NCOR2: variants seen among roughly 807,000 people sequenced by gnomAD.
NCOR2 encodes CTG repeat protein 26.
A neutral mutation model predicts 262.9 loss-of-function variants in NCOR2; 81 were observed. The ratio of observed to expected loss-of-function variants is 0.31; its 90% CI spans 0.26 to 0.37. The LOEUF (loss-of-function observed/expected upper bound fraction) is 0.37. Among genes scored for constraint, NCOR2 ranks in the 10% least tolerant of loss-of-function variants. The probability of loss-of-function intolerance (pLI) is 1.00; values close to 1 mark genes in which losing one functional copy is unlikely to be tolerated. For missense variants in NCOR2, 3,385 were observed against 3,621.4 expected, an observed-to-expected ratio of 0.93 and a Z score of 1.68; for synonymous variants, 1,659 against 1,559.3, an observed-to-expected ratio of 1.06 and a Z score of -1.51.
intron 1 of NCOR2, among the ~76,000 whole-genome samples, chr12:124,561,143 C>G (rs2137293668): frequency 6.6e-6 from 1 of 152,276 alleles, no homozygotes. Flanking sequence ...GAGCTCAGCC[C>G]CAGGAGGTAA....
chr12:124,389,625 G>C lies in NCOR2; in HGVS notation c.1877-3738C>G, dbSNP rs1225187973. The stretch of plus-strand genomic sequence containing the variant: ...TCTGCCCCCTGCCTGGCCTGATGCT[G>C]CCGAGGCTGACCGAGCCCTCTGTCG... On this transcript the variant is annotated intron_variant, in intron 16 of 46. Coordinates refer to ENST00000405201, the Ensembl canonical transcript of NCOR2. The surrounding 1 kb of genome is among the most constrained non-coding windows in gnomAD (Gnocchi z 4.4). Among the ~76,000 whole-genome samples, 2 of 151,910 alleles carry C rather than the reference G, an allele frequency of 1.3e-5. No individual in the cohort carries two copies. Among genetic ancestry groups the C allele is most frequent in the African/African-American group, 4.8e-5 (2 of 41,324 alleles).
chr12:124,340,606 G>C (rs886916249), exon 35 of NCOR2: 2 of 1,500,002 alleles, frequency 1.3e-6, no homozygotes, highest in South Asian at 1.3e-5. Context: ...CGCTACCTGG[G>C]GAGAGTGGGG....
Position 124,438,007 on chromosome 12 carries a change from G to A in NCOR2, c.816-11C>T. ...CGCATCGCCTGGTTTCTGTGCAGGA[G>A]GGAAGCGGCAGACAGGTCAGCCCGG... is the stretch of plus-strand genomic sequence containing the variant. On this transcript the variant is annotated splice_polypyrimidine_tract_variant and intron_variant, in intron 7 of 46. Coordinates refer to ENST00000405201, the Ensembl canonical transcript of NCOR2. The A allele has an allele frequency of 6.2e-7, 1 of 1,606,454 alleles. No homozygotes were observed. The highest frequency in any genetic ancestry group is 8.5e-7 in the Non-Finnish European group (1 of 1,176,050).
At position 124,422,566 on chromosome 12, in the gene NCOR2, A is replaced by T. The variant is rs1240642999; in HGVS notation, c.1329-11T>A. ...GGATGCTGCATGAACCTGCGGGACG[A>T]GAAGGGTGGGCGTGAGACCTGGCCG... is the stretch of plus-strand genomic sequence containing the variant. On this transcript the variant is annotated splice_polypyrimidine_tract_variant and intron_variant, in intron 11 of 46. Coordinates refer to ENST00000405201, the Ensembl canonical transcript of NCOR2. 6.2e-7 allele frequency: 1 copy of T among 1,613,824 alleles called. No homozygotes were observed. The highest frequency in any genetic ancestry group is 1.3e-5 in the African/African-American group (1 of 75,062).
intron 1 of NCOR2, among the ~76,000 whole-genome samples, chr12:124,507,361 A>C (rs2049105885): frequency 6.6e-6 from 1 of 152,224 alleles, no homozygotes. Context: ...TATCTACCAC[A>C]ATTTAAAATT....
At chr12:124,400,479 G>C in intron 15 of NCOR2, 22 bp downstream of exon 17, 1 of 1,604,172 alleles carries the variant, frequency 6.2e-7, no homozygotes, top group Non-Finnish European at 8.5e-7. Flanking sequence ...TTCCCCACCC[G>C]CATCCCTGGC....
rs569220461 is a variant in NCOR2 at position 124,489,671 on chromosome 12, G to T, written c.106-3103C>A. Among the ~76,000 whole-genome samples, 48 of 152,306 alleles carry T rather than the reference G, an allele frequency of 3.2e-4. No individual in the cohort carries two copies. The Middle Eastern group carries it at 0.01, about 32-fold the overall frequency. The stretch of plus-strand genomic sequence containing the variant: ...CCTGACCATGGCACCTCTGAAGCTG[G>T]AAATCAGGGCCACCAATAAATTACA... On this transcript the variant is annotated intron_variant, in intron 1 of 46. Coordinates refer to ENST00000405201, the Ensembl canonical transcript of NCOR2.
At chr12:124,529,192 A>C (rs2050650084) in intron 1 of NCOR2, among the ~76,000 whole-genome samples, 2 of 150,050 alleles carry the variant, frequency 1.3e-5, no homozygotes, top group Non-Finnish European at 3.0e-5. Context: ...AAAAAAAAAA[A>C]AAAAAAAAAA....
intron 38 of NCOR2, chr12:124,335,864 G>A (rs1034332599): frequency 2.7e-5 from 15 of 550,706 alleles, no homozygotes; most frequent in Middle Eastern, 9.4e-4. Flanking sequence ...GACAGACAGA[G>A]AGGGAGACAC....
At chr12:124,396,592 A>G (rs1439030899) in intron 16 of NCOR2, among the ~76,000 whole-genome samples, 1 of 151,994 alleles carries the variant, frequency 6.6e-6, no homozygotes. Flanking sequence ...CACCACACAC[A>G]GAGCCTGACC....
intron 1 of NCOR2, among the ~76,000 whole-genome samples, chr12:124,516,952 G>T (rs928727927): frequency 7.9e-5 from 12 of 151,768 alleles, no homozygotes. Flanking sequence ...ACTTCCATTT[G>T]CCAGATGGGA....
exon 22 of NCOR2, chr12:124,362,149 G>A (rs199754396): frequency 6.8e-5 from 89 of 1,302,214 alleles, no homozygotes; most frequent in Non-Finnish European, 6.9e-5. Context: ...GGGGGGTGCC[G>A]GGCTCCTGCT....
At chr12:124,542,230 C>A (rs981157637) in intron 1 of NCOR2, among the ~76,000 whole-genome samples, 1 of 151,992 alleles carries the variant, frequency 6.6e-6, no homozygotes, top group African/African-American at 2.4e-5. Context: ...AGGAACAGGG[C>A]GGGCCATTGC....
chr12:124,495,418 C>T, upstream of NCOR2: 1 of 1,356,230 alleles, frequency 7.4e-7, no homozygotes, highest in Middle Eastern at 2.7e-4. The surrounding 1 kb of genome is among the most constrained non-coding windows in gnomAD (Gnocchi z 4.4). Context: ...GGGCAGCTGG[C>T]TCCTCCGTGC....
chr12:124,365,990 C>G (rs1300068236), intron 20 of NCOR2, among the ~76,000 whole-genome samples: 2 of 152,194 alleles, frequency 1.3e-5, no homozygotes, highest in South Asian at 4.1e-4. Context: ...TCAACCAGCT[C>G]GCACTTGCAA....
intron 16 of NCOR2, among the ~76,000 whole-genome samples, chr12:124,392,217 C>T (rs991418153): frequency 1.3e-5 from 2 of 152,184 alleles, no homozygotes; most frequent in African/African-American, 4.8e-5. Context: ...CTTGTTGATG[C>T]CTGATTTCAT....
At chr12:124,363,586 G>A (rs2038786596) in intron 21 of NCOR2, 93 bp downstream of exon 23, 1 of 1,152,794 alleles carries the variant, frequency 8.7e-7, no homozygotes. Context: ...TAGGCTGCAG[G>A]TGCATGCTCC....
intron 1 of NCOR2, among the ~76,000 whole-genome samples, chr12:124,552,633 A>G (rs2051749201): frequency 6.6e-6 from 1 of 152,202 alleles, no homozygotes; most frequent in Non-Finnish European, 1.5e-5. Context: ...ATCCTCTGTA[A>G]CAATGACCAC....
At chr12:124,406,838 G>A (rs1231980234) in intron 13 of NCOR2, among the ~76,000 whole-genome samples, 2 of 152,220 alleles carry the variant, frequency 1.3e-5, no homozygotes, top group Non-Finnish European at 2.9e-5. Flanking sequence ...GACTGGGCCT[G>A]TGCAGAAGCC....
Sources: gnomAD v4.1 joint callset for allele counts (sites outside exome capture counted in the v4.1 genomes callset) on GRCh38, gnomAD v4.1.1 for gene constraint, Gnocchi (gnomAD v3.1) non-coding constraint, MANE v1.5 for transcripts, NCBI Gene and HGNC (gene_info 2026-07-23, HGNC 2026-07-21) for gene names.